The following LBH variants were observed in gnomAD, a reference collection of about 807,000 sequenced individuals.
The protein encoded by LBH is LBH regulator of Wnt signaling pathway.
A neutral mutation model predicts 12.5 loss-of-function variants in LBH; 7 were observed. That is an observed-to-expected ratio of 0.56 (90% confidence interval 0.32 to 1.05). The LOEUF is 1.05. LBH is among the 50% of genes least tolerant of loss of function. LBH has a pLI of 0.04. For synonymous variants in LBH, 51 were observed against 50.1 expected (o/e 1.02, Z -0.08); for missense variants, 119 against 138.9 (o/e 0.86, Z 0.72).
At chr2:30,232,241 T>TG (rs1489869436) in intron 1 of LBH, 9 of 211,794 alleles carry the variant, frequency 4.2e-5, no homozygotes, top group Non-Finnish European at 5.9e-5. Flanking sequence ...TCCGGGGGGG[T>TG]GGGGGGCGGG....
chr2:30,251,892 G>A (rs895059360), intron 2 of LBH, among the ~76,000 whole-genome samples: 1 of 152,158 alleles, frequency 6.6e-6, no homozygotes, highest in South Asian at 2.1e-4. Context: ...TTGTTTGGCC[G>A]ACCAACAGCA....
intron 2 of LBH, among the ~76,000 whole-genome samples, chr2:30,249,830 A>T (rs915691131): frequency 3.3e-5 from 5 of 152,172 alleles, no homozygotes; most frequent in Non-Finnish European, 7.4e-5. Context: ...GTTCACACAT[A>T]CCTGTGTTTG....
Position 30,244,244 on chromosome 2 carries a change from C to G in LBH, c.129+9737C>G, listed in dbSNP as rs79766445. Reference sequence around the variant, plus strand: ...GGTATCTCTTTGGTCATGTGCCCCTCGGGTATGGCAGTTGAAGCATCAGGA... The same window carrying G: ...GGTATCTCTTTGGTCATGTGCCCCTGGGGTATGGCAGTTGAAGCATCAGGA... On this transcript the variant is annotated intron_variant, in intron 2 of 2. Coordinates refer to ENST00000395323, the MANE Select transcript of LBH (RefSeq NM_030915.4). Among the ~76,000 whole-genome samples, 181 of 152,198 alleles carry G rather than the reference C, an allele frequency of 1.2e-3. 4 individuals are homozygous for G. In the East Asian group the frequency reaches 0.029, roughly 24 times the overall value.
rs762688564 is a variant in LBH, at chr2:30,259,437, C to G, written c.*1816C>G. On this transcript the variant is annotated 3_prime_UTR_variant, in exon 3 of 3. Transcript: ENST00000395323. Reference sequence around the variant, plus strand: ...GAGAGGGGCTTTCCTCTCTCTTGCTCCCCGCTTCGTTCTGTTTTGGCTGCA... The same window carrying G: ...GAGAGGGGCTTTCCTCTCTCTTGCTGCCCGCTTCGTTCTGTTTTGGCTGCA... The G allele has an allele frequency of 1.2e-4, 18 of 152,898 alleles. No individual in the cohort carries two copies. Among genetic ancestry groups the G allele is most frequent in the Non-Finnish European group, 2.2e-4 (15 of 68,136 alleles). 9.5% of individuals were successfully genotyped at this position (152,898 alleles called of 1,614,324 possible). A position where few individuals can be genotyped will look rare whatever the true frequency, so the allele number is the denominator to read the frequency against.
chr2:30,231,536 T>G lies in LBH; in HGVS notation c.-203T>G. 1.7e-6 allele frequency: 1 copy of G among 580,206 alleles called. No homozygotes were observed. The highest frequency in any genetic ancestry group is 3.1e-6 in the Non-Finnish European group (1 of 325,274). The allele number at this position is 580,206 out of a possible 1,614,324, so 35.9% of individuals were successfully genotyped here. A position where few individuals can be genotyped will look rare whatever the true frequency, so the allele number is the denominator to read the frequency against. Reference sequence around the variant, plus strand: ...CGGCTTCCCGGGCTCTTTGTGGGGCTGAGTGCTCAGTGGAGAGCGGGGAGT... The same window carrying G: ...CGGCTTCCCGGGCTCTTTGTGGGGCGGAGTGCTCAGTGGAGAGCGGGGAGT... On this transcript the variant is annotated 5_prime_UTR_variant, in exon 1 of 3. Transcript: ENST00000395323.
rs1030971336 is a variant in LBH at position 30,231,554 on chromosome 2, C to A, written c.-185C>A. 6.4e-6 allele frequency: 4 copies of A among 620,540 alleles called. No individual in the cohort carries two copies. The highest frequency in any genetic ancestry group is 1.2e-5 in the Non-Finnish European group (4 of 344,626). The allele number at this position is 620,540 out of a possible 1,614,324, so 38.4% of individuals were successfully genotyped here. A position where few individuals can be genotyped will look rare whatever the true frequency, so the allele number is the denominator to read the frequency against. On this transcript the variant is annotated 5_prime_UTR_variant, in exon 1 of 3. Coordinates refer to ENST00000395323, the MANE Select transcript of LBH (RefSeq NM_030915.4). ...GTGGGGCTGAGTGCTCAGTGGAGAGCGGGGAGTTGTGTCCACCTTGCCGAC... is the reference window on the plus strand; with the variant it reads ...GTGGGGCTGAGTGCTCAGTGGAGAGAGGGGAGTTGTGTCCACCTTGCCGAC...
chr2:30,247,816 G>A (rs536563806), intron 2 of LBH, among the ~76,000 whole-genome samples: 33 of 152,236 alleles, frequency 2.2e-4, no homozygotes, highest in Admixed American at 3.9e-4. Context: ...CGTTTTAATC[G>A]TGAGGGTGAG....
chr2:30,252,345 T>C (rs1677994951), intron 2 of LBH, among the ~76,000 whole-genome samples: 1 of 152,180 alleles, frequency 6.6e-6, no homozygotes, highest in South Asian at 2.1e-4. Context: ...TTCCTAGCCA[T>C]GTGGAACCGT....
At chr2:30,254,858 G>T (rs1678052588) in intron 2 of LBH, among the ~76,000 whole-genome samples, 1 of 152,226 alleles carries the variant, frequency 6.6e-6, no homozygotes, top group South Asian at 2.1e-4. Context: ...GATCCTGAAG[G>T]TTTAAAACAA....
chr2:30,241,497 T>A (rs1168471353), intron 2 of LBH, among the ~76,000 whole-genome samples: 29 of 151,406 alleles, frequency 1.9e-4, no homozygotes, highest in African/African-American at 6.8e-4. Context: ...TTTGCTCTTG[T>A]TGCCCAGGCT....
chr2:30,255,767 G>T (rs1452282177), intron 2 of LBH, among the ~76,000 whole-genome samples: 1 of 152,196 alleles, frequency 6.6e-6, no homozygotes, highest in Non-Finnish European at 1.5e-5. Context: ...TTTCTTCTAT[G>T]TCCTGGTAAT....
At chr2:30,255,261 G>A (rs1186223858) in intron 2 of LBH, among the ~76,000 whole-genome samples, 1 of 151,896 alleles carries the variant, frequency 6.6e-6, no homozygotes, top group African/African-American at 2.4e-5. Flanking sequence ...CCCCACCCAA[G>A]AAATGAGGAC....
At chr2:30,234,556 T>G (rs376942035) in intron 2 of LBH, 49 bp downstream of exon 2, 94 of 1,421,404 alleles carry the variant, frequency 6.6e-5, no homozygotes, top group Non-Finnish European at 1.2e-5. Context: ...TAGTGGTTTT[T>G]GCTGGGGGTG....
chr2:30,259,689 TTGTA>T lies in LBH; in HGVS notation c.*2071_*2074del, dbSNP rs1389830266. ...TATTTTTGCTGGTCCCTAGACCACT[TTGTA>T]TGACCGTTTGCAGTCTGAGCAGGCC... On this transcript the variant is annotated 3_prime_UTR_variant, in exon 3 of 3. Coordinates refer to ENST00000395323, the MANE Select transcript of LBH (RefSeq NM_030915.4). 1 of 152,658 alleles carries T rather than the reference TTGTA, an allele frequency of 6.6e-6. No homozygotes were observed. Among genetic ancestry groups the T allele is most frequent in the Non-Finnish European group, 1.5e-5 (1 of 68,072 alleles). 9.5% of individuals were successfully genotyped at this position (152,658 alleles called of 1,614,324 possible).
At chr2:30,239,705 G>A (rs953401965) in intron 2 of LBH, among the ~76,000 whole-genome samples, 1 of 152,152 alleles carries the variant, frequency 6.6e-6, no homozygotes, top group African/African-American at 2.4e-5. Context: ...ATGGGATGTA[G>A]AACAGGCAGT....
intron 2 of LBH, among the ~76,000 whole-genome samples, chr2:30,240,319 G>T (rs978397251): frequency 1.3e-5 from 2 of 152,220 alleles, no homozygotes; most frequent in African/African-American, 4.8e-5. Flanking sequence ...GGATGGTACT[G>T]TTAGGGAAAG....
intron 1 of LBH, chr2:30,232,004 C>T: frequency 9.2e-7 from 1 of 1,089,814 alleles, no homozygotes; most frequent in Non-Finnish European, 1.3e-6. Context: ...TAAGTGACGG[C>T]CGGAGGGTTT....
At chr2:30,244,625 G>A (rs1677843403) in intron 2 of LBH, among the ~76,000 whole-genome samples, 1 of 152,142 alleles carries the variant, frequency 6.6e-6, no homozygotes, top group African/African-American at 2.4e-5. Flanking sequence ...CATTAAGGCT[G>A]GACGCGTGGC....
intron 1 of LBH, among the ~76,000 whole-genome samples, chr2:30,234,082 G>C (rs1677638671): frequency 6.6e-6 from 1 of 152,178 alleles, no homozygotes. Flanking sequence ...GCTACCTACT[G>C]TTTTGGTTTC....
Sources: gnomAD v4.1 joint callset for allele counts (sites outside exome capture counted in the v4.1 genomes callset) on GRCh38, gnomAD v4.1.1 for gene constraint, MANE v1.5 for transcripts, NCBI Gene and HGNC (gene_info 2026-07-23, HGNC 2026-07-21) for gene names.